ATXN10: variants seen among roughly 807,000 people sequenced by gnomAD.
ATXN10 encodes the protein ataxin 10.
A neutral mutation model predicts 52.9 loss-of-function variants in ATXN10; 28 were observed. That is an observed-to-expected ratio of 0.53 (90% CI 0.39 to 0.73). ATXN10 has a LOEUF of 0.73. ATXN10 is among the 30% of genes least tolerant of loss of function. ATXN10 has a pLI of 0.00. For synonymous variants in ATXN10, 226 were observed against 221.5 expected (o/e 1.02, Z -0.18); for missense variants, 565 against 577.0 (o/e 0.98, Z 0.21).
intron 5 of ATXN10, among the ~76,000 whole-genome samples, chr22:45,703,280 A>G (rs1006788572): frequency 2.0e-5 from 3 of 152,120 alleles, no homozygotes; most frequent in Non-Finnish European, 2.9e-5. Context: ...ATGTACTGCC[A>G]CCCTTCATAC....
chr22:45,724,699 C>T (rs1055101312), intron 6 of ATXN10, among the ~76,000 whole-genome samples: 19 of 152,036 alleles, frequency 1.2e-4, no homozygotes, highest in African/African-American at 4.6e-4. Flanking sequence ...AGTTTTTGTT[C>T]CATTTGCTTT....
chr22:45,785,389 A>G (rs1927288196), intron 9 of ATXN10, among the ~76,000 whole-genome samples: 1 of 152,248 alleles, frequency 6.6e-6, no homozygotes, highest in Non-Finnish European at 1.5e-5. Context: ...AATGACAGTA[A>G]TGGAAAACTA....
chr22:45,793,468 T>C (rs1927589760), intron 9 of ATXN10: 3 of 829,184 alleles, frequency 3.6e-6, no homozygotes, highest in South Asian at 6.1e-5. Context: ...TGAGGTCTTA[T>C]TCCATTTAAT....
At chr22:45,709,199 C>T (rs1272927936) in intron 5 of ATXN10, among the ~76,000 whole-genome samples, 3 of 152,196 alleles carry the variant, frequency 2.0e-5, no homozygotes, top group Non-Finnish European at 4.4e-5. Flanking sequence ...AACAGCCATG[C>T]ATTCCACTTT....
At chr22:45,776,120 G>A (rs939775358) in intron 9 of ATXN10, among the ~76,000 whole-genome samples, 15 of 152,160 alleles carry the variant, frequency 9.9e-5, no homozygotes, top group African/African-American at 3.6e-4. Context: ...GATATACTCT[G>A]TAAGCCTACG....
At chr22:45,799,578 A>G (rs1204413281) in intron 9 of ATXN10, among the ~76,000 whole-genome samples, 2 of 152,216 alleles carry the variant, frequency 1.3e-5, no homozygotes, top group Admixed American at 6.5e-5. Context: ...CCAGCAAACT[A>G]TCAGTAGCTA....
Position 45,672,100 on chromosome 22 carries a change from G to A in ATXN10, c.37G>A (p.Gly13Ser). Residue 13 changes from glycine (G) to serine (S), a missense_variant, in exon 1 of 12, where the codon GGC (glycine) becomes AGC (serine). Coordinates refer to ENST00000252934, the MANE Select transcript of ATXN10 (RefSeq NM_013236.4). The stretch of plus-strand genomic sequence containing the variant: ...CAGGCCGCCGCCTGCCAGGCTGTCG[G>A]GCGTCATGGTGCCGGCGCCCATCCA... Reference protein sequence around the residue: ...APRPPPARLSGVMVPAPIQDL... With the variant: ...APRPPPARLSSVMVPAPIQDL... 1 of 1,539,536 alleles carries A rather than the reference G, an allele frequency of 6.5e-7. No individual in the cohort carries two copies. Among genetic ancestry groups the A allele is most frequent in the Admixed American group, 2.0e-5 (1 of 50,880 alleles).
intron 10 of ATXN10, among the ~76,000 whole-genome samples, chr22:45,817,075 T>C (rs1370382767): frequency 6.6e-6 from 1 of 152,194 alleles, no homozygotes. Context: ...AGTGTGTGTC[T>C]GCTTTAATAT....
chr22:45,689,924 G>T, intron 2 of ATXN10, 21 bp downstream of exon 2: 1 of 1,611,568 alleles, frequency 6.2e-7, no homozygotes. Context: ...ACGTACCTTG[G>T]ATTCTGTTTC....
chr22:45,718,288 C>T lies in ATXN10; in HGVS notation c.648-125C>T. The T allele has an allele frequency of 2.5e-6, 2 of 804,756 alleles. No homozygotes were observed. Among genetic ancestry groups the T allele is most frequent in the South Asian group, 2.8e-5 (2 of 71,958 alleles). 49.9% of individuals were successfully genotyped at this position (804,756 alleles called of 1,614,324 possible). A position where few individuals can be genotyped will look rare whatever the true frequency, so the allele number is the denominator to read the frequency against. ...GAACCTTTTAAGACATTTAAGATTA[C>T]AGCAAATCAAAAATTCACTGAAAAG... On this transcript the variant is annotated intron_variant, in intron 5 of 11. Transcript: ENST00000252934. This position sits in a 1 kb window ranked among gnomAD's most constrained non-coding sequence, Gnocchi z 4.4.
chr22:45,706,769 C>T (rs1425533139), intron 5 of ATXN10, among the ~76,000 whole-genome samples: 1 of 151,446 alleles, frequency 6.6e-6, no homozygotes, highest in Non-Finnish European at 1.5e-5. Flanking sequence ...ATTACCTAGG[C>T]TTCTTTTATG....
intron 10 of ATXN10, among the ~76,000 whole-genome samples, chr22:45,836,083 A>G (rs1929156330): frequency 6.6e-6 from 1 of 152,214 alleles, no homozygotes; most frequent in African/African-American, 2.4e-5. Context: ...GGGAAGGAAG[A>G]GGGAGCCAAA....
At chr22:45,698,849 C>G (rs943063358) in intron 3 of ATXN10, among the ~76,000 whole-genome samples, 1 of 152,124 alleles carries the variant, frequency 6.6e-6, no homozygotes, top group Non-Finnish European at 1.5e-5. Context: ...TAGTTCAAAC[C>G]TAATACAAAT....
At chr22:45,768,166 T>C (rs1458514518) in intron 9 of ATXN10, among the ~76,000 whole-genome samples, 1 of 152,186 alleles carries the variant, frequency 6.6e-6, no homozygotes, top group Non-Finnish European at 1.5e-5. Context: ...TGAGCCCTGG[T>C]ATCATCCAAA....
chr22:45,767,046 C>T (rs1252119816), intron 9 of ATXN10, among the ~76,000 whole-genome samples: 1 of 152,156 alleles, frequency 6.6e-6, no homozygotes, highest in Non-Finnish European at 1.5e-5. Flanking sequence ...GAGCCGTCTT[C>T]GTAGATAGGA....
rs1926087904 is a variant in ATXN10 at position 45,754,033 on chromosome 22, T to C, written c.1173+13495T>C. Among the ~76,000 whole-genome samples, 3 of 152,214 alleles carry C rather than the reference T, an allele frequency of 2.0e-5. No homozygotes were observed. The South Asian group carries it at 6.2e-4, about 32-fold the overall frequency. ...CTGCATGCCTCCACTCTTGTCTGCC[T>C]CTCTGGGTTTTATTTCTGGCCTCTG... On this transcript the variant is annotated intron_variant, in intron 9 of 11. Coordinates refer to ENST00000252934, the MANE Select transcript of ATXN10 (RefSeq NM_013236.4). The surrounding 1 kb of genome is among the most constrained non-coding windows in gnomAD (Gnocchi z 5.4).
rs1924414231 is a variant in ATXN10, at chr22:45,715,559, C to A, written c.648-2854C>A. Among the ~76,000 whole-genome samples, 1 of 152,138 alleles carries A rather than the reference C, an allele frequency of 6.6e-6. No homozygotes were observed. Among genetic ancestry groups the A allele is most frequent in the South Asian group, 2.1e-4 (1 of 4,824 alleles). On this transcript the variant is annotated intron_variant, in intron 5 of 11. Coordinates refer to ENST00000252934, the MANE Select transcript of ATXN10 (RefSeq NM_013236.4). The surrounding 1 kb of genome is among the most constrained non-coding windows in gnomAD (Gnocchi z 4.4). ...TTGTTGTTGTTGTTAAGCTCATTAG[C>A]TATTCTTAGTATATTTTATCTGTGC...
At position 45,784,367 on chromosome 22, in the gene ATXN10, A is replaced by G. The variant is rs1271453068; in HGVS notation, c.1174-22592A>G. 1.3e-5 allele frequency among the ~76,000 whole-genome samples: 2 copies of G among 152,222 alleles called. No individual in the cohort carries two copies. The highest frequency in any genetic ancestry group is 1.3e-4 in the Admixed American group (2 of 15,286). ...GCATGGAAGAGATTTGTAATATAGT[A>G]GGATACTTGGCACGTTTCCTTTCCC... On this transcript the variant is annotated intron_variant, in intron 9 of 11. Transcript: ENST00000252934. This position sits in a 1 kb window ranked among gnomAD's most constrained non-coding sequence, Gnocchi z 4.2.
In ATXN10 at chr22:45,769,717, AGCCAG is replaced by A. The variant is rs906281930; in HGVS notation, c.1173+29183_1173+29187del. ...AGCCTTGGGCATCTTCCTGGCCAGG[AGCCAG>A]GCCTCTTTTCTCTTGCCTTCTCGAG... On this transcript the variant is annotated intron_variant, in intron 9 of 11. Transcript: ENST00000252934. The surrounding 1 kb of genome is among the most constrained non-coding windows in gnomAD (Gnocchi z 4.2). Among the ~76,000 whole-genome samples the A allele has an allele frequency of 2.0e-5, 3 of 152,160 alleles. No individual in the cohort carries two copies. The highest frequency in any genetic ancestry group is 7.2e-5 in the African/African-American group (3 of 41,440).
Sources: allele counts gnomAD v4.1 joint callset (sites outside exome capture counted in the v4.1 genomes callset), GRCh38; gene constraint gnomAD v4.1.1; non-coding constraint Gnocchi (gnomAD v3.1); transcripts MANE v1.5; gene names NCBI Gene and HGNC (gene_info 2026-07-23, HGNC 2026-07-21).